The following ZNF704 variants were observed in gnomAD, a reference collection of about 807,000 sequenced individuals.
ZNF704 encodes zinc finger protein 704.
In ZNF704, 10 loss-of-function variants were observed where a neutral mutation model predicts 44.7. That is an observed-to-expected ratio of 0.22 (90% CI 0.14 to 0.38). The LOEUF (loss-of-function observed/expected upper bound fraction) is 0.38, where lower values mean the gene tolerates loss of function less well. Among genes scored for constraint, ZNF704 ranks in the 10% least tolerant of loss-of-function variants. The pLI is 1.00. For missense variants in ZNF704, 390 were observed against 545.5 expected (o/e 0.71, Z 2.84); for synonymous variants, 211 against 207.6 (o/e 1.02, Z -0.14).
Position 80,687,334 on chromosome 8 carries a change from C to T in ZNF704, c.450G>A (p.Ser150=), listed in dbSNP as rs777622128. 78 of 1,611,238 alleles carry T rather than the reference C, an allele frequency of 4.8e-5. No individual in the cohort carries two copies. Among genetic ancestry groups the T allele is most frequent in the Non-Finnish European group, 5.8e-5 (69 of 1,179,750 alleles). The change falls in exon 4 of 9, where the codon TCG becomes TCA. Residue 150 remains serine (S), a synonymous_variant. Transcript: ENST00000327835. ...SNPSTPSPPL[S]ADSFKPFRSP... ...TGCGGAAGGGCTTGAAGCTGTCAGC[C>T]GAGAGCGGCGGCGACGGCGTGGACG...
chr8:80,671,901 T>G (rs550965623), intron 4 of ZNF704, among the ~76,000 whole-genome samples: 2 of 152,210 alleles, frequency 1.3e-5, no homozygotes, highest in Non-Finnish European at 2.9e-5. Flanking sequence ...TCTTAGGGTA[T>G]AGCAAAACCA....
At chr8:80,686,610 C>A (rs949018228) in intron 4 of ZNF704, among the ~76,000 whole-genome samples, 1 of 151,868 alleles carries the variant, frequency 6.6e-6, no homozygotes, top group Non-Finnish European at 1.5e-5. Flanking sequence ...ACAGGCTGGT[C>A]TCCAACTCCT....
chr8:80,805,877 A>G (rs989483602), intron 2 of ZNF704, among the ~76,000 whole-genome samples: 4 of 152,224 alleles, frequency 2.6e-5, no homozygotes, highest in Admixed American at 6.5e-5. Context: ...AATGCACCAC[A>G]CTGGTTGCAT....
chr8:80,798,083 A>G (rs1807837454), intron 2 of ZNF704, among the ~76,000 whole-genome samples: 1 of 151,656 alleles, frequency 6.6e-6, no homozygotes, highest in African/African-American at 2.4e-5. Context: ...TAAAATTTTT[A>G]ATTTTTGTGG....
chr8:80,826,319 A>G (rs1586056440), intron 1 of ZNF704, among the ~76,000 whole-genome samples: 1 of 152,344 alleles, frequency 6.6e-6, no homozygotes, highest in South Asian at 2.1e-4. Flanking sequence ...AATAAACTAG[A>G]AAATCTAGAA....
Position 80,641,285 on chromosome 8 carries a change from GA to G in ZNF704, c.*80del. ...GCTTCAACTGTGTTTTATTCAGTAGGAAAAGCTCTTTCCAACACCTGCAGTG... is the reference window on the plus strand; with the variant it reads ...GCTTCAACTGTGTTTTATTCAGTAGGAAAGCTCTTTCCAACACCTGCAGTG... On this transcript the variant is annotated 3_prime_UTR_variant, in exon 9 of 9. Transcript: ENST00000327835. 1 of 925,722 alleles carries G rather than the reference GA, an allele frequency of 1.1e-6. No individual in the cohort carries two copies. Among genetic ancestry groups the G allele is most frequent in the Non-Finnish European group, 1.6e-6 (1 of 619,048 alleles). 57.3% of individuals were successfully genotyped at this position (925,722 alleles called of 1,614,324 possible). A position where few individuals can be genotyped will look rare whatever the true frequency, so the allele number is the denominator to read the frequency against.
chr8:80,656,540 G>C (rs1366863079), intron 7 of ZNF704, among the ~76,000 whole-genome samples: 2 of 152,166 alleles, frequency 1.3e-5, no homozygotes, highest in African/African-American at 4.8e-5. Context: ...ACAGCCTTAG[G>C]CTACAAAAGA....
intron 2 of ZNF704, among the ~76,000 whole-genome samples, chr8:80,738,437 C>G (rs774873182): frequency 6.6e-6 from 1 of 152,092 alleles, no homozygotes; most frequent in Non-Finnish European, 1.5e-5. Flanking sequence ...TTAATGTTTA[C>G]AACAATCCTA....
intron 1 of ZNF704, among the ~76,000 whole-genome samples, chr8:80,857,783 G>C (rs914174664): frequency 1.3e-5 from 2 of 152,164 alleles, no homozygotes; most frequent in African/African-American, 4.8e-5. Context: ...ATTTTTGTAA[G>C]ATTGGTATTA....
chr8:80,853,189 G>T (rs896154718), intron 1 of ZNF704, among the ~76,000 whole-genome samples: 15 of 152,100 alleles, frequency 9.9e-5, no homozygotes, highest in Non-Finnish European at 1.0e-4. Context: ...AACACAGAAC[G>T]ACTCCCTCTG....
At chr8:80,781,354 A>G (rs1244573885) in intron 2 of ZNF704, among the ~76,000 whole-genome samples, 2 of 152,236 alleles carry the variant, frequency 1.3e-5, no homozygotes, top group African/African-American at 4.8e-5. Flanking sequence ...ACTATTTGCA[A>G]AAGCAGCCAA....
chr8:80,706,058 C>T (rs146000424), intron 2 of ZNF704, among the ~76,000 whole-genome samples: 2 of 152,284 alleles, frequency 1.3e-5, no homozygotes, highest in Non-Finnish European at 2.9e-5. Flanking sequence ...GGGAAGTCTG[C>T]AGGTTAACGA....
At chr8:80,721,899 G>A (rs1268624924) in intron 2 of ZNF704, among the ~76,000 whole-genome samples, 1 of 152,128 alleles carries the variant, frequency 6.6e-6, no homozygotes, top group Non-Finnish European at 1.5e-5. Context: ...CTAGGCTAAG[G>A]TTTTAGAGGA....
chr8:80,846,113 T>A (rs1434641359), intron 1 of ZNF704, among the ~76,000 whole-genome samples: 2 of 152,178 alleles, frequency 1.3e-5, no homozygotes, highest in African/African-American at 4.8e-5. Flanking sequence ...TCAAGAATCA[T>A]GCCTGATTAA....
In ZNF704 at chr8:80,662,941, T is replaced by A. The variant is rs138926605; in HGVS notation, c.927+1874A>T. Among the ~76,000 whole-genome samples, 321 of 152,290 alleles carry A rather than the reference T, an allele frequency of 2.1e-3. 4 individuals carry two copies. The highest frequency in any genetic ancestry group is 0.018 in the Admixed American group (269 of 15,302). ...GGATATTATTTAGTTACATGAAAAG[T>A]TTTTATAAAACAAGGGTGGGAGAAC... On this transcript the variant is annotated intron_variant, in intron 6 of 8. Transcript: ENST00000327835.
At chr8:80,859,699 G>T (rs1809026270) in intron 1 of ZNF704, among the ~76,000 whole-genome samples, 1 of 152,020 alleles carries the variant, frequency 6.6e-6, no homozygotes, top group Non-Finnish European at 1.5e-5. Flanking sequence ...CAATCTCGGG[G>T]ATAAGTCAGC....
intron 4 of ZNF704, among the ~76,000 whole-genome samples, chr8:80,686,869 T>C (rs1042808480): frequency 4.6e-5 from 7 of 152,148 alleles, no homozygotes; most frequent in African/African-American, 1.7e-4. Flanking sequence ...ATTAATTATA[T>C]TTTACATATG....
chr8:80,697,507 T>TC (rs1481602773), intron 2 of ZNF704, among the ~76,000 whole-genome samples: 2 of 152,178 alleles, frequency 1.3e-5, no homozygotes, highest in African/African-American at 4.8e-5. Flanking sequence ...TCTGGACCTC[T>TC]CCAGGAGAGG....
chr8:80,723,801 A>G (rs1056550116), intron 2 of ZNF704, among the ~76,000 whole-genome samples: 1 of 152,244 alleles, frequency 6.6e-6, no homozygotes, highest in Non-Finnish European at 1.5e-5. Flanking sequence ...GAAGACCACC[A>G]ATCTAGAACA....
Sources: allele counts gnomAD v4.1 joint callset (sites outside exome capture counted in the v4.1 genomes callset), GRCh38; gene constraint gnomAD v4.1.1; transcripts MANE v1.5; gene names NCBI Gene and HGNC (gene_info 2026-07-23, HGNC 2026-07-21).